Variants in SCAPER observed in about 807,000 individuals in gnomAD.
The protein encoded by SCAPER is S phase cyclin A-associated protein in the endoplasmic reticulum.
SCAPER carries 98 observed loss-of-function variants against 182.2 expected under a neutral mutation model. The observed-to-expected ratio is 0.54, with a 90% CI of 0.46 to 0.64. The LOEUF (loss-of-function observed/expected upper bound fraction) is 0.64, where lower values mean the gene tolerates loss of function less well. Ranked by LOEUF, SCAPER falls within the 30% of genes least tolerant of loss-of-function variation. The probability of loss-of-function intolerance (pLI) is 0.00; values close to 1 mark genes in which losing one functional copy is unlikely to be tolerated. For missense variants in SCAPER, 1,432 were observed against 1,690.0 expected (o/e 0.85, Z 2.68); for synonymous variants, 605 against 564.6 (o/e 1.07, Z -1.01).
At chr15:76,548,142 T>C (rs773260723) in intron 23 of SCAPER, among the ~76,000 whole-genome samples, 2 of 152,012 alleles carry the variant, frequency 1.3e-5, no homozygotes, top group Non-Finnish European at 2.9e-5. Flanking sequence ...TGCAGCTTGC[T>C]GCTAGCGCTC....
At chr15:76,569,902 A>G (rs939458334) in intron 23 of SCAPER, among the ~76,000 whole-genome samples, 2 of 152,038 alleles carry the variant, frequency 1.3e-5, no homozygotes, top group Non-Finnish European at 2.9e-5. Context: ...ATTAATATTT[A>G]TATCTTTGAT....
chr15:76,754,511 G>A (rs1199984118), intron 14 of SCAPER, among the ~76,000 whole-genome samples: 1 of 152,040 alleles, frequency 6.6e-6, no homozygotes, highest in Non-Finnish European at 1.5e-5. Context: ...AAAAAAGATA[G>A]ATGTAGTAAT....
At chr15:76,834,222 A>C (rs546072482) in intron 5 of SCAPER, among the ~76,000 whole-genome samples, 1 of 152,346 alleles carries the variant, frequency 6.6e-6, no homozygotes, top group Non-Finnish European at 1.5e-5. Flanking sequence ...TTACATGGAA[A>C]TTAAGCAACC....
intron 5 of SCAPER, among the ~76,000 whole-genome samples, chr15:76,835,179 A>G (rs1005103662): frequency 2.0e-5 from 3 of 151,998 alleles, no homozygotes; most frequent in Admixed American, 2.0e-4. Context: ...TCCCATTCAC[A>G]ATAGCCACAC....
chr15:76,474,431 T>G (rs2050458752), intron 24 of SCAPER, among the ~76,000 whole-genome samples: 1 of 152,102 alleles, frequency 6.6e-6, no homozygotes, highest in African/African-American at 2.4e-5. Context: ...AACTGATAGG[T>G]TCCTGAAAAA....
chr15:76,493,424 T>C (rs968889261), intron 24 of SCAPER, among the ~76,000 whole-genome samples: 1 of 152,184 alleles, frequency 6.6e-6, no homozygotes, highest in Non-Finnish European at 1.5e-5. Context: ...CACAGAGACA[T>C]TCTAACTTTA....
chr15:76,726,154 T>TATATATATATATAA (rs1240260034), intron 17 of SCAPER, among the ~76,000 whole-genome samples: 1 of 130,262 alleles, frequency 7.7e-6, no homozygotes, highest in African/African-American at 2.9e-5. Context: ...TATATATATA[T>TATATATATATATAA]AAAAAACTCT....
At chr15:76,396,400 C>T (rs990829107) in intron 27 of SCAPER, among the ~76,000 whole-genome samples, 4 of 152,072 alleles carry the variant, frequency 2.6e-5, no homozygotes, top group African/African-American at 7.2e-5. Flanking sequence ...TGGACTCTGA[C>T]GATTGCTTAG....
At chr15:76,515,276 T>A (rs1014840386) in intron 23 of SCAPER, among the ~76,000 whole-genome samples, 9 of 151,898 alleles carry the variant, frequency 5.9e-5, no homozygotes, top group Non-Finnish European at 1.2e-4. Flanking sequence ...AAGAGCAGAG[T>A]GAGTGAGAGA....
chr15:76,490,809 T>C (rs1233001070), intron 24 of SCAPER, among the ~76,000 whole-genome samples: 1 of 152,216 alleles, frequency 6.6e-6, no homozygotes, highest in African/African-American at 2.4e-5. Flanking sequence ...CAGTTGATTC[T>C]TGTGTTAGGG....
intron 23 of SCAPER, among the ~76,000 whole-genome samples, chr15:76,547,472 T>C (rs999911754): frequency 2.0e-5 from 3 of 152,168 alleles, no homozygotes; most frequent in Admixed American, 1.3e-4. Context: ...TTGTTTATGC[T>C]GCATTACTTT....
chr15:76,504,895 G>A lies in SCAPER; in HGVS notation c.2918C>T (p.Ala973Val), dbSNP rs772038364. 2.4e-5 allele frequency: 39 copies of A among 1,612,094 alleles called. No individual in the cohort carries two copies. The highest frequency in any genetic ancestry group is 3.4e-5 in the Admixed American group (2 of 59,660). The change falls in exon 24 of 32, where the codon GCC becomes GTC. Residue 973 changes from alanine (A) to valine (V), a missense_variant. Transcript: ENST00000563290. ...TCTTAAAACTGTGTTCACATTTGTGGCTGGGACTACTGCTTGAAGGATGTG... is the reference window on the plus strand; with the variant it reads ...TCTTAAAACTGTGTTCACATTTGTGACTGGGACTACTGCTTGAAGGATGTG... Reference protein sequence around the residue: ...LEHILQAVVPATNVNTVLRIP... With the variant: ...LEHILQAVVPVTNVNTVLRIP...
At position 76,724,761 on chromosome 15, in the gene SCAPER, T is replaced by C. The variant is rs147191216; in HGVS notation, c.2165+3834A>G. ...CATTTGTCACGTAGTTCTCGTGCCA[T>C]GGTTTTCAGCTCTATCAGGTCCTTT... On this transcript the variant is annotated intron_variant, in intron 17 of 31. Transcript: ENST00000563290. Among the ~76,000 whole-genome samples the C allele has an allele frequency of 3.3e-3, 508 of 152,352 alleles. 5 individuals carry two copies. Among genetic ancestry groups the C allele is most frequent in the African/African-American group, 0.011 (470 of 41,588 alleles).
At chr15:76,394,277 G>A (rs2043902813) in intron 27 of SCAPER, among the ~76,000 whole-genome samples, 2 of 152,160 alleles carry the variant, frequency 1.3e-5, no homozygotes, top group Non-Finnish European at 2.9e-5. Flanking sequence ...AACAACTCAA[G>A]CTCCCCTTAG....
intron 22 of SCAPER, among the ~76,000 whole-genome samples, chr15:76,607,327 C>G (rs566045227): frequency 2.6e-5 from 4 of 152,112 alleles, no homozygotes; most frequent in Non-Finnish European, 4.4e-5. Flanking sequence ...TTTTCTTTAA[C>G]AATGTTGAAT....
At chr15:76,865,797 T>G (rs1230802464) in intron 2 of SCAPER, among the ~76,000 whole-genome samples, 1 of 152,170 alleles carries the variant, frequency 6.6e-6, no homozygotes, top group Non-Finnish European at 1.5e-5. Context: ...TCTCCAGAAC[T>G]TGTCACTTTT....
intron 5 of SCAPER, among the ~76,000 whole-genome samples, chr15:76,831,075 G>A (rs574058305): frequency 6.6e-6 from 1 of 152,248 alleles, no homozygotes; most frequent in East Asian, 1.9e-4. Context: ...CTGGGGAGTT[G>A]GCAGAGAAAG....
rs74024136 is a variant in SCAPER, at chr15:76,512,443, C to T, written c.2839-7469G>A. Among the ~76,000 whole-genome samples the T allele has an allele frequency of 3.2e-3, 493 of 151,882 alleles. 5 individuals carry two copies. Among genetic ancestry groups the T allele is most frequent in the African/African-American group, 0.011 (462 of 41,374 alleles). ...CATCTTAGTGTAAAGCCTTTAGGTA[C>T]TGACATCTCTCAACTCAAAAACAGG... On this transcript the variant is annotated intron_variant, in intron 23 of 31. Coordinates refer to ENST00000563290, the MANE Select transcript of SCAPER (RefSeq NM_020843.4).
At chr15:76,481,158 G>C (rs550165705) in intron 24 of SCAPER, among the ~76,000 whole-genome samples, 35 of 152,198 alleles carry the variant, frequency 2.3e-4, no homozygotes, top group Admixed American at 7.2e-4. Flanking sequence ...ACCCAACAGA[G>C]AGAACTGTGA....
Sources: allele counts gnomAD v4.1 joint callset (sites outside exome capture counted in the v4.1 genomes callset), GRCh38; gene constraint gnomAD v4.1.1; transcripts MANE v1.5; gene names NCBI Gene and HGNC (gene_info 2026-07-23, HGNC 2026-07-21).